The following PARP3 variants were observed in gnomAD, a reference collection of about 807,000 sequenced individuals.
PARP3 encodes the protein poly(ADP-ribose) polymerase family member 3.
PARP3 carries 46 observed loss-of-function variants against 58.2 expected under a neutral mutation model. The ratio of observed to expected loss-of-function variants is 0.79; its 90% CI spans 0.62 to 1.01. PARP3 has a LOEUF of 1.01. Among genes scored for constraint, PARP3 ranks in the 50% least tolerant of loss-of-function variants. PARP3 has a pLI of 0.00. For missense variants in PARP3, 663 were observed against 683.9 expected (o/e 0.97, Z 0.34); for synonymous variants, 252 against 266.4 (o/e 0.95, Z 0.53).
chr3:51,943,961 T>C (rs1699607501), intron 2 of PARP3, 128 bp from the exon 3 acceptor site: 2 of 806,672 alleles, frequency 2.5e-6, no homozygotes, highest in Admixed American at 4.9e-5. Flanking sequence ...CCCCCCAAGC[T>C]TCCAAGACAG....
rs1699674507 is a variant in PARP3 at position 51,946,257 on chromosome 3, G to C, written c.1190G>C (p.Ser397Thr). 1 of 1,614,100 alleles carries C rather than the reference G, an allele frequency of 6.2e-7. No homozygotes were observed. The highest frequency in any genetic ancestry group is 8.5e-7 in the Non-Finnish European group (1 of 1,179,976). The change falls in exon 9 of 11, where the codon AGT becomes ACT. Residue 397 changes from serine (S) to threonine (T), a missense_variant. This residue lies in a region of PARP3 where 567 missense variants were observed against 553.6 expected (regional missense o/e 1.02). Coordinates refer to ENST00000398755, the MANE Select transcript of PARP3 (RefSeq NM_001003931.4). This position sits in a 1 kb window ranked among gnomAD's most constrained non-coding sequence, Gnocchi z 4.6. The part of the protein sequence containing the change: ...NMAVVAAILT[S>T]GLRIMPHSGG... Reference sequence around the variant, plus strand: ...GCCGTGGTGGCCGCCATCCTCACTAGTGGGCTCCGCATCATGCCACATTCT... The same window carrying C: ...GCCGTGGTGGCCGCCATCCTCACTACTGGGCTCCGCATCATGCCACATTCT...
chr3:51,943,272 G>A, intron 1 of PARP3, 82 bp from the exon 2 acceptor site: 1 of 1,371,312 alleles, frequency 7.3e-7, no homozygotes, highest in Non-Finnish European at 9.8e-7. Context: ...TGCTGGCCCA[G>A]GGCAGGGGTG....
Position 51,942,530 on chromosome 3 carries a change from A to G in PARP3, c.-181A>G. On this transcript the variant is annotated 5_prime_UTR_variant, in exon 1 of 11. It adds an upstream start codon to the 5' untranslated region. Coordinates refer to ENST00000398755, the MANE Select transcript of PARP3 (RefSeq NM_001003931.4). The stretch of plus-strand genomic sequence containing the variant: ...TGCTTCACCCCACTGGTGGCCAAAT[A>G]GCCGATGTCTAATCCCCCACACAAG... The G allele has an allele frequency of 1.4e-6, 1 of 705,402 alleles. No individual in the cohort carries two copies. The highest frequency in any genetic ancestry group is 2.7e-5 in the East Asian group (1 of 37,046). The allele number at this position is 705,402 out of a possible 1,614,324, so 43.7% of individuals were successfully genotyped here.
chr3:51,945,977 G>A, intron 8 of PARP3, 38 bp downstream of exon 8: 1 of 1,556,556 alleles, frequency 6.4e-7, no homozygotes, highest in African/African-American at 1.4e-5. Flanking sequence ...CATCACCACT[G>A]TGCCTTAGGA....
chr3:51,947,874 G>A lies in PARP3; in HGVS notation c.1411G>A (p.Ala471Thr). The change falls in exon 10 of 11, where the codon GCC (alanine) becomes ACC (threonine). Residue 471 changes from alanine to threonine, a missense_variant. This residue lies in a region of PARP3 where 88 missense variants were observed against 109.1 expected (regional missense o/e 0.81). Coordinates refer to ENST00000398755, the MANE Select transcript of PARP3 (RefSeq NM_001003931.4). Reference sequence around the variant, plus strand: ...ACCTCCTGGCTTCGACAGTGTCATTGCCCGAGGCCACACCGAGCCTGGTGA... The same window carrying A: ...ACCTCCTGGCTTCGACAGTGTCATTACCCGAGGCCACACCGAGCCTGGTGA... ...SPPPGFDSVI[A>T]RGHTEPDPTQ... 6.2e-7 allele frequency: 1 copy of A among 1,614,010 alleles called. No homozygotes were observed. Among genetic ancestry groups the A allele is most frequent in the Non-Finnish European group, 8.5e-7 (1 of 1,180,016 alleles).
rs1699608356 is a variant in PARP3 at position 51,944,003 on chromosome 3, C to A, written c.184-86C>A. 1 of 1,345,392 alleles carries A rather than the reference C, an allele frequency of 7.4e-7. No individual in the cohort carries two copies. The highest frequency in any genetic ancestry group is 1.9e-5 in the Admixed American group (1 of 51,632). 83.3% of individuals were successfully genotyped at this position (1,345,392 alleles called of 1,614,324 possible). ...TCTGACTCCCACTGCCGTCAGACTC[C>A]TGTCCCCATCAGAGCCCTCTCGGTG... On this transcript the variant is annotated intron_variant, in intron 2 of 10. Transcript: ENST00000398755. This position sits in a 1 kb window ranked among gnomAD's most constrained non-coding sequence, Gnocchi z 4.2.
rs772488674 is a variant in PARP3, at chr3:51,944,869, G to A, written c.593G>A (p.Ser198Asn). The A allele has an allele frequency of 5.0e-6, 8 of 1,613,870 alleles. No homozygotes were observed. The highest frequency in any genetic ancestry group is 4.2e-6 in the Non-Finnish European group (5 of 1,180,034). ...ATQKLITNIF[S>N]KEMFKNTMAL... ...CAGAAGCTCATCACTAACATCTTCA[G>A]CAAGGAGATGTTCAAGAACACCATG... Residue 198 changes from serine to asparagine, a missense_variant, in exon 5 of 11, where the codon AGC becomes AAC. Ser to Asn is a conservative substitution (Grantham distance 46). Transcript: ENST00000398755. This position sits in a 1 kb window ranked among gnomAD's most constrained non-coding sequence, Gnocchi z 4.2.
In PARP3 at chr3:51,944,235, T is replaced by C; in HGVS notation, c.312+18T>C. 6.2e-7 allele frequency: 1 copy of C among 1,613,800 alleles called. No homozygotes were observed. The highest frequency in any genetic ancestry group is 8.5e-7 in the Non-Finnish European group (1 of 1,179,904). On this transcript the variant is annotated intron_variant, in intron 3 of 10. Coordinates refer to ENST00000398755, the MANE Select transcript of PARP3 (RefSeq NM_001003931.4). The surrounding 1 kb of genome is among the most constrained non-coding windows in gnomAD (Gnocchi z 4.2). ...GCCGTGTGGTGAGTGCCCTGCCTGC[T>C]CTGCACATACTCCCCAGGGTCCTCA...
chr3:51,943,048 T>G (rs1311612249), intron 1 of PARP3: 37 of 1,393,738 alleles, frequency 2.7e-5, no homozygotes, highest in Non-Finnish European at 3.4e-5. Flanking sequence ...GACACACAGG[T>G]GAGCTGCAGA....
chr3:51,944,845 A>G lies in PARP3; in HGVS notation c.569A>G (p.Gln190Arg), dbSNP rs1326913758. The change falls in exon 5 of 11, where the codon CAG (glutamine) becomes CGG (arginine). Residue 190 changes from glutamine (Q) to arginine (R), a missense_variant. Gln to Arg is a conservative substitution (Grantham distance 43). This residue lies in a region of PARP3 where 567 missense variants were observed against 553.6 expected (regional missense o/e 1.02). Coordinates refer to ENST00000398755, the MANE Select transcript of PARP3 (RefSeq NM_001003931.4). This position sits in a 1 kb window ranked among gnomAD's most constrained non-coding sequence, Gnocchi z 4.2. ...VQPCSLDPAT[Q>R]KLITNIFSKE... Reference sequence around the variant, plus strand: ...CCCTGCTCCCTGGACCCAGCCACGCAGAAGCTCATCACTAACATCTTCAGC... The same window carrying G: ...CCCTGCTCCCTGGACCCAGCCACGCGGAAGCTCATCACTAACATCTTCAGC... 1 of 1,614,010 alleles carries G rather than the reference A, an allele frequency of 6.2e-7. No homozygotes were observed. The highest frequency in any genetic ancestry group is 1.1e-5 in the South Asian group (1 of 91,088).
chr3:51,943,076 G>T, intron 1 of PARP3: 1 of 1,346,926 alleles, frequency 7.4e-7, no homozygotes, highest in South Asian at 1.7e-5. Flanking sequence ...GAGCCAGGCA[G>T]ACCCTGTTGA....
chr3:51,942,912 G>A, intron 1 of PARP3: 1 of 1,417,504 alleles, frequency 7.1e-7, no homozygotes, highest in African/African-American at 1.4e-5. Flanking sequence ...AGGATCCTCT[G>A]CCCACCCTCC....
chr3:51,945,245 G>T (rs533149365), intron 6 of PARP3, 21 bp downstream of exon 6: 1 of 1,605,676 alleles, frequency 6.2e-7, no homozygotes, highest in South Asian at 1.1e-5. Flanking sequence ...GCAGGGGTGC[G>T]GGCAGGCAGT....
Position 51,947,856 on chromosome 3 carries a change from G to A in PARP3, c.1393G>A (p.Gly465Ser), listed in dbSNP as rs771721568. The part of the protein sequence containing the change: ...DNPSLKSPPP[G>S]FDSVIARGHT... ...CCCCAGCTTGAAGAGCCCACCTCCT[G>A]GCTTCGACAGTGTCATTGCCCGAGG... The change falls in exon 10 of 11, where the codon GGC becomes AGC. Residue 465 changes from glycine to serine, a missense_variant. Around this residue, in one of 3 missense-constraint regions of PARP3, gnomAD observed 88 missense variants for 109.1 expected, o/e 0.81. Coordinates refer to ENST00000398755, the MANE Select transcript of PARP3 (RefSeq NM_001003931.4). The A allele has an allele frequency of 1.9e-6, 3 of 1,613,988 alleles. No homozygotes were observed. In the South Asian group the frequency reaches 3.3e-5, roughly 18 times the overall value.
Position 51,944,260 on chromosome 3 carries a change from A to G in PARP3, c.312+43A>G. On this transcript the variant is annotated intron_variant, in intron 3 of 10. Coordinates refer to ENST00000398755, the MANE Select transcript of PARP3 (RefSeq NM_001003931.4). The surrounding 1 kb of genome is among the most constrained non-coding windows in gnomAD (Gnocchi z 4.2). The stretch of plus-strand genomic sequence containing the variant: ...TCTGCACATACTCCCCAGGGTCCTC[A>G]AAAGGCCACAGCTACTGACTTGGGG... 1.9e-6 allele frequency: 3 copies of G among 1,612,516 alleles called. No individual in the cohort carries two copies. Among genetic ancestry groups the G allele is most frequent in the Non-Finnish European group, 1.7e-6 (2 of 1,179,164 alleles).
Position 51,946,997 on chromosome 3 carries a change from G to T in PARP3, c.1276+654G>T, listed in dbSNP as rs1699693686. Among the ~76,000 whole-genome samples, 1 of 152,244 alleles carries T rather than the reference G, an allele frequency of 6.6e-6. No individual in the cohort carries two copies. Among genetic ancestry groups the T allele is most frequent in the African/African-American group, 2.4e-5 (1 of 41,464 alleles). ...TCCCAGTGGCTACAGCTGTGGAGAG[G>T]GGGGCAGCAGCCAGAGGCTGCAGAG... On this transcript the variant is annotated intron_variant, in intron 9 of 10. Coordinates refer to ENST00000398755, the MANE Select transcript of PARP3 (RefSeq NM_001003931.4). This position sits in a 1 kb window ranked among gnomAD's most constrained non-coding sequence, Gnocchi z 4.6.
At position 51,944,305 on chromosome 3, in the gene PARP3, C is replaced by G. The variant is rs1431240169; in HGVS notation, c.313-85C>G. The G allele has an allele frequency of 6.2e-7, 1 of 1,605,130 alleles. No individual in the cohort carries two copies. The highest frequency in any genetic ancestry group is 8.5e-7 in the Non-Finnish European group (1 of 1,174,432). On this transcript the variant is annotated intron_variant, in intron 3 of 10. Coordinates refer to ENST00000398755, the MANE Select transcript of PARP3 (RefSeq NM_001003931.4). The surrounding 1 kb of genome is among the most constrained non-coding windows in gnomAD (Gnocchi z 4.2). ...TTGGGGGGGCACCTCCCAACTGTCC[C>G]AGGGCACTCAGCACAGGGCCTGGCC... is the stretch of plus-strand genomic sequence containing the variant.
Position 51,944,922 on chromosome 3 carries a change from G to A in PARP3, c.634+12G>A. 1 of 1,613,714 alleles carries A rather than the reference G, an allele frequency of 6.2e-7. No individual in the cohort carries two copies. The highest frequency in any genetic ancestry group is 1.1e-5 in the South Asian group (1 of 91,078). ...CCTCATGGACCTGGGTGAGGGGTGAGAGGCAGGCAGGGTGGCAGGGGCCTC... is the reference window on the plus strand; with the variant it reads ...CCTCATGGACCTGGGTGAGGGGTGAAAGGCAGGCAGGGTGGCAGGGGCCTC... On this transcript the variant is annotated intron_variant, in intron 5 of 10. Transcript: ENST00000398755. This position sits in a 1 kb window ranked among gnomAD's most constrained non-coding sequence, Gnocchi z 4.2.
In PARP3 at chr3:51,946,489, G is replaced by A. The variant is rs1400236891; in HGVS notation, c.1276+146G>A. 3.7e-5 allele frequency: 26 copies of A among 699,698 alleles called. No individual in the cohort carries two copies. Among genetic ancestry groups the A allele is most frequent in the Non-Finnish European group, 5.3e-5 (23 of 437,200 alleles). The allele number at this position is 699,698 out of a possible 1,614,324, so 43.3% of individuals were successfully genotyped here. A position where few individuals can be genotyped will look rare whatever the true frequency, so the allele number is the denominator to read the frequency against. ...TACAGTGCTCAGTGGGCTGTCCTGG[G>A]CTTTGGTGGCGGGGGGTCTTAGAGA... On this transcript the variant is annotated intron_variant, in intron 9 of 10. Transcript: ENST00000398755. This position sits in a 1 kb window ranked among gnomAD's most constrained non-coding sequence, Gnocchi z 4.6.
Sources: allele counts gnomAD v4.1 joint callset (sites outside exome capture counted in the v4.1 genomes callset), GRCh38; gene constraint gnomAD v4.1.1; regional missense constraint gnomAD v4.1.1; non-coding constraint Gnocchi (gnomAD v3.1); transcripts MANE v1.5; gene names NCBI Gene and HGNC (gene_info 2026-07-23, HGNC 2026-07-21).